Variants in ARFIP1 observed in about 807,000 individuals in gnomAD.
The protein encoded by ARFIP1 is ARF interacting protein 1.
In ARFIP1, 24 loss-of-function variants were observed where a neutral mutation model predicts 42.5. The ratio of observed to expected loss-of-function variants is 0.57; its 90% CI spans 0.41 to 0.80. ARFIP1 has a LOEUF of 0.80. Ranked by LOEUF, ARFIP1 falls within the 30% of genes least tolerant of loss-of-function variation. The probability of loss-of-function intolerance (pLI) is 0.00; values close to 1 mark genes in which losing one functional copy is unlikely to be tolerated. For synonymous variants in ARFIP1, 141 were observed against 153.7 expected (o/e 0.92, Z 0.61); for missense variants, 354 against 434.0 (o/e 0.82, Z 1.64).
chr4:152,863,581 T>A (rs759429581), intron 2 of ARFIP1, 25 bp from the exon 3 acceptor site: 1 of 1,371,284 alleles, frequency 7.3e-7, no homozygotes, highest in South Asian at 1.2e-5. Flanking sequence ...TACAAAGTTT[T>A]TTCTTTTATT....
At chr4:152,880,888 T>C in intron 5 of ARFIP1, 75 bp from the exon 6 acceptor site, 1 of 1,150,550 alleles carries the variant, frequency 8.7e-7, no homozygotes, top group South Asian at 1.4e-5. Flanking sequence ...CAAAAAATGG[T>C]GTATGCCATA....
chr4:152,802,595 A>T (rs1265044999), intron 1 of ARFIP1, among the ~76,000 whole-genome samples: 1 of 150,732 alleles, frequency 6.6e-6, no homozygotes. Flanking sequence ...CTCAGTGGTA[A>T]ACTGGATTAA....
chr4:152,851,405 G>A (rs772190210), intron 2 of ARFIP1, among the ~76,000 whole-genome samples: 1 of 152,180 alleles, frequency 6.6e-6, no homozygotes, highest in Non-Finnish European at 1.5e-5. Flanking sequence ...AGAAGCAACT[G>A]TAACAACCCG....
intron 1 of ARFIP1, among the ~76,000 whole-genome samples, chr4:152,813,179 G>A (rs1425803305): frequency 6.6e-6 from 1 of 152,136 alleles, no homozygotes; most frequent in African/African-American, 2.4e-5. Context: ...ATTGAATTAG[G>A]TATTACAGAT....
chr4:152,895,551 CTTTTTTTTTTTTTTTTTT>C (rs34697452), intron 8 of ARFIP1, among the ~76,000 whole-genome samples: 1 of 63,898 alleles, frequency 1.6e-5, no homozygotes, highest in African/African-American at 7.1e-5. Flanking sequence ...TGCACTTGGC[CTTTTTTTTTTTTTTTTTT>C]TTTTTTTTTG....
At chr4:152,903,249 T>G (rs1213817532) in intron 8 of ARFIP1, among the ~76,000 whole-genome samples, 1 of 152,216 alleles carries the variant, frequency 6.6e-6, no homozygotes. Context: ...TGAGGATTGT[T>G]CATTATGTTT....
chr4:152,898,147 TAA>T (rs1737511480), intron 8 of ARFIP1, among the ~76,000 whole-genome samples: 1 of 151,972 alleles, frequency 6.6e-6, no homozygotes, highest in African/African-American at 2.4e-5. Flanking sequence ...AACGCCCAGC[TAA>T]GTTTTTGGAT....
chr4:152,847,400 T>A (rs1326589846), intron 2 of ARFIP1, among the ~76,000 whole-genome samples: 2 of 151,970 alleles, frequency 1.3e-5, no homozygotes, highest in Non-Finnish European at 2.9e-5. Context: ...CCCAAAGTGC[T>A]GGGATTACAG....
intron 8 of ARFIP1, among the ~76,000 whole-genome samples, chr4:152,898,796 G>A (rs150876273): frequency 1.3e-5 from 2 of 152,216 alleles, no homozygotes; most frequent in Non-Finnish European, 2.9e-5. Context: ...AAAAATTCTT[G>A]GAGAAACCCT....
At chr4:152,889,661 T>G (rs1736595057) in intron 8 of ARFIP1, among the ~76,000 whole-genome samples, 1 of 130,538 alleles carries the variant, frequency 7.7e-6, no homozygotes, top group South Asian at 2.2e-4. Flanking sequence ...ATAGTATATA[T>G]ACACTAATAT....
intron 2 of ARFIP1, among the ~76,000 whole-genome samples, chr4:152,847,449 A>G (rs1457579424): frequency 6.6e-6 from 1 of 151,926 alleles, no homozygotes; most frequent in East Asian, 1.9e-4. Flanking sequence ...TTTTATTAAG[A>G]TGGGGCAGCA....
chr4:152,804,475 TA>T (rs1205737547), intron 1 of ARFIP1, among the ~76,000 whole-genome samples: 23 of 108,406 alleles, frequency 2.1e-4, no homozygotes, highest in Non-Finnish European at 3.4e-4. Flanking sequence ...ATAATATATA[TA>T]ATATATATTA....
At chr4:152,807,986 A>AT (rs568215059) in intron 1 of ARFIP1, among the ~76,000 whole-genome samples, 150 of 144,514 alleles carry the variant, frequency 1.0e-3, no homozygotes, top group African/African-American at 3.0e-3. Flanking sequence ...AGTTTTTTCC[A>AT]TTTTTTTTTT....
chr4:152,897,524 A>G (rs1051440451), intron 8 of ARFIP1, among the ~76,000 whole-genome samples: 1 of 152,208 alleles, frequency 6.6e-6, no homozygotes, highest in African/African-American at 2.4e-5. Context: ...TCAACTTACT[A>G]TAGAGTAGGA....
Position 152,804,314 on chromosome 4 carries a change from CATAACATGT to C in ARFIP1, c.-10+24091_-10+24099del. Among the ~76,000 whole-genome samples, 5 of 32,424 alleles carry C rather than the reference CATAACATGT, an allele frequency of 1.5e-4. 1 individual carries two copies. The highest frequency in any genetic ancestry group is 6.9e-4 in the South Asian group (1 of 1,446). 21.3% of individuals were successfully genotyped at this position (32,424 alleles called of 152,430 possible). ...TATTATATATATTATATATATATAA[CATAACATGT>C]ATTATATATATTTTATATATATAAT... On this transcript the variant is annotated intron_variant, in intron 1 of 8. Coordinates refer to ENST00000353617, the MANE Select transcript of ARFIP1 (RefSeq NM_001025595.3).
At position 152,911,588 on chromosome 4, in the gene ARFIP1, C is replaced by G. The variant is rs1738851865; in HGVS notation, c.*1369C>G. Reference sequence around the variant, plus strand: ...AATTAATATTTTGAGAGGCATCCCTCACCTGTTCATTTCTTCTGTGTTGAA... The same window carrying G: ...AATTAATATTTTGAGAGGCATCCCTGACCTGTTCATTTCTTCTGTGTTGAA... On this transcript the variant is annotated 3_prime_UTR_variant, in exon 9 of 9. Coordinates refer to ENST00000353617, the MANE Select transcript of ARFIP1 (RefSeq NM_001025595.3). The G allele has an allele frequency of 6.6e-6, 1 of 152,608 alleles. No individual in the cohort carries two copies. The highest frequency in any genetic ancestry group is 2.4e-5 in the African/African-American group (1 of 41,450). 9.5% of individuals were successfully genotyped at this position (152,608 alleles called of 1,614,324 possible). A position where few individuals can be genotyped will look rare whatever the true frequency, so the allele number is the denominator to read the frequency against.
At chr4:152,902,292 A>C (rs1737903183) in intron 8 of ARFIP1, among the ~76,000 whole-genome samples, 2 of 152,192 alleles carry the variant, frequency 1.3e-5, no homozygotes, top group Non-Finnish European at 2.9e-5. Flanking sequence ...ACTTGAGGCC[A>C]AGAGTTTGAG....
chr4:152,796,344 AT>A, intron 1 of ARFIP1: 7 of 743,096 alleles, frequency 9.4e-6, no homozygotes, highest in Non-Finnish European at 1.7e-5. Context: ...AATCTTTCAT[AT>A]TTAGGTGGTT....
At chr4:152,842,801 A>G (rs888726730) in intron 2 of ARFIP1, among the ~76,000 whole-genome samples, 1 of 151,818 alleles carries the variant, frequency 6.6e-6, no homozygotes, top group Non-Finnish European at 1.5e-5. Flanking sequence ...TATTTCCTTG[A>G]ATATTTCTCC....
Sources: gnomAD v4.1 joint callset for allele counts (sites outside exome capture counted in the v4.1 genomes callset) on GRCh38, gnomAD v4.1.1 for gene constraint, MANE v1.5 for transcripts, NCBI Gene and HGNC (gene_info 2026-07-23, HGNC 2026-07-21) for gene names.